The following TOP1MT variants were observed in gnomAD, a reference collection of about 807,000 sequenced individuals.
TOP1MT encodes DNA topoisomerase I mitochondrial.
In TOP1MT, 80 loss-of-function variants were observed where a neutral mutation model predicts 73.9. The ratio of observed to expected loss-of-function variants is 1.08; its 90% CI spans 0.90 to 1.30. The LOEUF (loss-of-function observed/expected upper bound fraction) is 1.30, where lower values mean the gene tolerates loss of function less well. TOP1MT is among the 50% of genes most tolerant of loss of function. TOP1MT has a pLI of 0.00. For synonymous variants in TOP1MT, 338 were observed against 326.4 expected (o/e 1.04, Z -0.38); for missense variants, 815 against 808.0 (o/e 1.01, Z -0.10).
upstream of TOP1MT, chr8:143,359,482 C>A (rs1421107668): frequency 1.0e-6 from 1 of 967,668 alleles, no homozygotes. Flanking sequence ...AGACCGGCAC[C>A]GCTGGCCAGG....
intron 12 of TOP1MT, among the ~76,000 whole-genome samples, chr8:143,313,144 A>T (rs1483575081): frequency 6.6e-6 from 1 of 152,058 alleles, no homozygotes; most frequent in Admixed American, 6.5e-5. Flanking sequence ...AAACCAATAA[A>T]CCTCTTAGGA....
Position 143,334,755 on chromosome 8 carries a change from T to G in TOP1MT, c.107A>C (p.Lys36Thr). 5 of 1,598,436 alleles carry G rather than the reference T, an allele frequency of 3.1e-6. No homozygotes were observed. Among genetic ancestry groups the G allele is most frequent in the Non-Finnish European group, 4.3e-6 (5 of 1,173,810 alleles). ...GACACCTTACCTGGCTCCACTGCCCTTCTGCGTCCTGCGCGAGCCCGGGAC... is the reference window on the plus strand; with the variant it reads ...GACACCTTACCTGGCTCCACTGCCCGTCTGCGTCCTGCGCGAGCCCGGGAC... ...RGVPGSRRTQ[K>T]GSGARWEKEK... Residue 36 changes from lysine to threonine, a missense_variant, in exon 1 of 14, where the codon AAG (lysine) becomes ACG (threonine). Physicochemically the swap from Lys to Thr is moderately conservative, Grantham distance 78. Transcript: ENST00000329245.
At chr8:143,324,663 A>G (rs1472344698) in intron 5 of TOP1MT, 34 bp from the exon 6 acceptor site, 1 of 1,607,654 alleles carries the variant, frequency 6.2e-7, no homozygotes, top group Non-Finnish European at 8.5e-7. Flanking sequence ...CATAACTTGG[A>G]GACCTTATTC....
intron 2 of TOP1MT, 108 bp downstream of exon 2, chr8:143,331,116 A>G: frequency 1.2e-6 from 1 of 836,530 alleles, no homozygotes; most frequent in Non-Finnish European, 1.9e-6. Context: ...GAGCGCTCAT[A>G]GCCAGAAGCC....
intron 12 of TOP1MT, chr8:143,310,438 G>A (rs913160456): frequency 1.6e-4 from 68 of 427,594 alleles, no homozygotes; most frequent in Non-Finnish European, 2.6e-4. Context: ...TGGGCGGAGG[G>A]TGAGCAGCCC....
chr8:143,354,952 A>G (rs1232748377), intron 1 of TOP1MT, among the ~76,000 whole-genome samples: 1 of 152,212 alleles, frequency 6.6e-6, no homozygotes, highest in Non-Finnish European at 1.5e-5. Flanking sequence ...CAGTCACGCA[A>G]TTTTGTGAAG....
chr8:143,315,769 G>A lies in TOP1MT; in HGVS notation c.1511C>T (p.Ala504Val), dbSNP rs1325634219. The change falls in exon 12 of 14, where the codon GCG becomes GTG. Residue 504 changes from alanine (A) to valine (V), a missense_variant. Transcript: ENST00000329245. ...VAEARAELRR[A>V]RAEHKAQGDG... The stretch of plus-strand genomic sequence containing the variant: ...CCCTTGGGCTTTGTGCTCAGCCCTC[G>A]CCCTCCTCAGCTCTGCCCTGGCCTC... 30 of 1,613,762 alleles carry A rather than the reference G, an allele frequency of 1.9e-5. No homozygotes were observed. The East Asian group carries it at 2.5e-4, about 13-fold the overall frequency.
rs140144131 is a variant in TOP1MT at position 143,316,997 on chromosome 8, T to C, written c.1330+726A>G. ...CCCCAGTGCTGCCCCAGCTCCAAGG[T>C]TGTCCCCAGGGCAGCACAGCACCGG... On this transcript the variant is annotated intron_variant, in intron 10 of 13. Coordinates refer to ENST00000329245, the MANE Select transcript of TOP1MT (RefSeq NM_052963.3). Among the ~76,000 whole-genome samples the C allele has an allele frequency of 3.1e-4, 47 of 152,298 alleles. 1 individual carries two copies. The East Asian group carries it at 8.7e-3, about 28-fold the overall frequency.
chr8:143,347,687 G>GCCA (rs2130444401), upstream of TOP1MT, among the ~76,000 whole-genome samples: 2 of 112,122 alleles, frequency 1.8e-5, no homozygotes, highest in East Asian at 5.6e-4. Flanking sequence ...ACAGCAGGCA[G>GCCA]GCAGCCAGCC....
At chr8:143,322,402 TCACCACACACGCA>T (rs1816467069) in intron 7 of TOP1MT, among the ~76,000 whole-genome samples, 3 of 30,372 alleles carry the variant, frequency 9.9e-5, no homozygotes, top group Non-Finnish European at 1.8e-4. Context: ...ACACACATGC[TCACCACACACGCA>T]CGCCACACAC....
chr8:143,312,248 G>A (rs1194986338), intron 12 of TOP1MT, among the ~76,000 whole-genome samples: 1 of 152,102 alleles, frequency 6.6e-6, no homozygotes, highest in Admixed American at 6.6e-5. Context: ...GTATTACCTT[G>A]ATACCAAAAT....
At chr8:143,326,758 G>C (rs1359774595) in intron 3 of TOP1MT, among the ~76,000 whole-genome samples, 7 of 152,232 alleles carry the variant, frequency 4.6e-5, no homozygotes, top group African/African-American at 1.7e-4. Context: ...CAGGATACAT[G>C]GTCGGGAGCT....
chr8:143,339,165 A>C (rs1016085320), upstream of TOP1MT, among the ~76,000 whole-genome samples: 1 of 152,214 alleles, frequency 6.6e-6, no homozygotes, highest in African/African-American at 2.4e-5. Flanking sequence ...GCAGTGGTGG[A>C]GTTTACCCCA....
chr8:143,324,092 A>C lies in TOP1MT; in HGVS notation c.867T>G (p.Phe289Leu). 1 of 1,613,870 alleles carries C rather than the reference A, an allele frequency of 6.2e-7. No individual in the cohort carries two copies. Among genetic ancestry groups the C allele is most frequent in the Non-Finnish European group, 8.5e-7 (1 of 1,180,036 alleles). The part of the protein sequence containing the change: ...KFETARRLRG[F>L]VDEIRSQYRA... ...GGTACTGGGAGCGGATCTCGTCCAC[A>C]AATCCCCGCAGGCGTCGAGCTGTTT... The change falls in exon 7 of 14, where the codon TTT becomes TTG. Residue 289 changes from phenylalanine (F) to leucine (L), a missense_variant. This residue lies in a region of TOP1MT where 751 missense variants were observed against 725.4 expected (regional missense o/e 1.04). Coordinates refer to ENST00000329245, the MANE Select transcript of TOP1MT (RefSeq NM_052963.3).
chr8:143,329,090 G>C (rs1816782478), intron 3 of TOP1MT, among the ~76,000 whole-genome samples: 1 of 152,128 alleles, frequency 6.6e-6, no homozygotes, highest in African/African-American at 2.4e-5. Context: ...TCCACAGCCT[G>C]CCTGGGAAGG....
upstream of TOP1MT, chr8:143,359,425 G>A (rs1221407759): frequency 2.0e-6 from 2 of 985,226 alleles, no homozygotes; most frequent in Non-Finnish European, 2.4e-6. Flanking sequence ...AGACAGAGCG[G>A]AATCCCATCA....
At chr8:143,354,331 G>T (rs1817371150) in intron 1 of TOP1MT, among the ~76,000 whole-genome samples, 1 of 152,086 alleles carries the variant, frequency 6.6e-6, no homozygotes, top group Non-Finnish European at 1.5e-5. Context: ...TCTGTTTACA[G>T]GAAATATCCA....
rs368980736 is a variant in TOP1MT, at chr8:143,325,375, C to T, written c.642G>A (p.Thr214=). 9 of 1,605,704 alleles carry T rather than the reference C, an allele frequency of 5.6e-6. No individual in the cohort carries two copies. Among genetic ancestry groups the T allele is most frequent in the Non-Finnish European group, 7.7e-6 (9 of 1,173,636 alleles). Residue 214 remains threonine (T), a synonymous_variant, in exon 5 of 14, where the codon ACG becomes ACA. Transcript: ENST00000329245. ...TGCAGTTGATAACCACATCCTCTGG[C>T]GTGATCCTTCTCTTCAGCATCCCCA... The part of the protein sequence containing the change: ...PKMGMLKRRI[T]PEDVVINCSR...
chr8:143,343,553 C>G (rs1227227151), intron 1 of TOP1MT: 1 of 277,520 alleles, frequency 3.6e-6, no homozygotes, highest in Non-Finnish European at 7.2e-6. Flanking sequence ...CCCCTCCCGG[C>G]CTCGGGAAGA....
Sources: gnomAD v4.1 joint callset for allele counts (sites outside exome capture counted in the v4.1 genomes callset) on GRCh38, gnomAD v4.1.1 for gene constraint, gnomAD v4.1.1 regional missense constraint, MANE v1.5 for transcripts, NCBI Gene and HGNC (gene_info 2026-07-23, HGNC 2026-07-21) for gene names.